The following ATAD5 variants were observed in gnomAD, a reference collection of about 807,000 sequenced individuals.
ATAD5 encodes ATPase family AAA domain-containing protein 5.
In ATAD5, 58 loss-of-function variants were observed where a neutral mutation model predicts 176.9. The ratio of observed to expected loss-of-function variants is 0.33; its 90% CI spans 0.27 to 0.41. The LOEUF is 0.41. ATAD5 is among the 10% of genes least tolerant of loss of function. The pLI is 1.00. For synonymous variants in ATAD5, 640 were observed against 712.6 expected (o/e 0.90, Z 1.62); for missense variants, 1,789 against 2,094.1 (o/e 0.85, Z 2.84).
At chr17:30,886,746 C>CAA (rs74541319) in intron 18 of ATAD5, among the ~76,000 whole-genome samples, 3,929 of 138,728 alleles carry the variant, frequency 0.028, 193 homozygotes, top group African/African-American at 0.097. Flanking sequence ...TGATCTCTAC[C>CAA]AAAAAAAAAA....
intron 4 of ATAD5, among the ~76,000 whole-genome samples, chr17:30,842,238 C>A (rs1239579882): frequency 6.6e-6 from 1 of 151,900 alleles, no homozygotes; most frequent in Admixed American, 6.6e-5. Flanking sequence ...CATTGCCTTC[C>A]AGCCTGGGTA....
chr17:30,871,782 T>A (rs1908351021), intron 14 of ATAD5, among the ~76,000 whole-genome samples: 1 of 152,224 alleles, frequency 6.6e-6, no homozygotes, highest in Non-Finnish European at 1.5e-5. Flanking sequence ...TTTGCCTTCT[T>A]GGGTGCTGGA....
intron 6 of ATAD5, among the ~76,000 whole-genome samples, chr17:30,846,790 A>G (rs1242052789): frequency 1.4e-5 from 2 of 144,452 alleles, no homozygotes; most frequent in African/African-American, 5.2e-5. Flanking sequence ...GTGTGATATC[A>G]GCTCACCGCA....
intron 8 of ATAD5, 55 bp downstream of exon 8, chr17:30,857,167 GA>G: frequency 1.3e-6 from 2 of 1,532,100 alleles, no homozygotes; most frequent in Non-Finnish European, 1.7e-6. Context: ...TCTTGCAGAG[GA>G]AAAACATTTT....
In ATAD5 at chr17:30,894,731, T is replaced by G. The variant is rs1340461767; in HGVS notation, c.5456+9T>G. On this transcript the variant is annotated intron_variant, in intron 22 of 22. Transcript: ENST00000321990. ...GGAAAAAGTAAAAGAAGGTAAAGGC[T>G]TTATTAAAAACAACATTTTAGATAG... 5.0e-6 allele frequency: 8 copies of G among 1,590,378 alleles called. No individual in the cohort carries two copies. The highest frequency in any genetic ancestry group is 6.8e-6 in the Non-Finnish European group (8 of 1,172,048).
chr17:30,850,323 T>A (rs1000803087), intron 6 of ATAD5, among the ~76,000 whole-genome samples: 1 of 151,520 alleles, frequency 6.6e-6, no homozygotes, highest in African/African-American at 2.4e-5. Flanking sequence ...CTCCCACCTC[T>A]ATTAACCACT....
At chr17:30,851,693 G>A (rs1049884110) in intron 6 of ATAD5, among the ~76,000 whole-genome samples, 8 of 151,836 alleles carry the variant, frequency 5.3e-5, no homozygotes, top group African/African-American at 1.9e-4. Context: ...AGTGATTATC[G>A]TGCCTTAGCC....
chr17:30,886,432 C>G (rs1467102884), intron 18 of ATAD5, among the ~76,000 whole-genome samples: 1 of 151,282 alleles, frequency 6.6e-6, no homozygotes, highest in Non-Finnish European at 1.5e-5. Context: ...CAGAGTCTTG[C>G]TCCATCGCCG....
intron 17 of ATAD5, among the ~76,000 whole-genome samples, chr17:30,879,215 A>G (rs1364082958): frequency 6.6e-6 from 1 of 152,156 alleles, no homozygotes; most frequent in Non-Finnish European, 1.5e-5. Context: ...GCTTGAGCTT[A>G]TAATCCTAGC....
intron 19 of ATAD5, among the ~76,000 whole-genome samples, chr17:30,889,886 C>CTTTTTTTTTTTTTTTTTTTTTT (rs60266614): frequency 2.4e-4 from 23 of 95,710 alleles, no homozygotes; most frequent in South Asian, 3.5e-4. Flanking sequence ...TCTTTTCTTT[C>CTTTTTTTTTTTTTTTTTTTTTT]TTTTTTTTTT....
At chr17:30,886,582 C>G (rs1437649220) in intron 18 of ATAD5, among the ~76,000 whole-genome samples, 2 of 151,640 alleles carry the variant, frequency 1.3e-5, no homozygotes, top group African/African-American at 4.8e-5. Context: ...TCTCAAACTC[C>G]TGACCTCAGG....
chr17:30,867,338 T>A (rs1908059929), intron 11 of ATAD5, among the ~76,000 whole-genome samples: 1 of 152,098 alleles, frequency 6.6e-6, no homozygotes, highest in Non-Finnish European at 1.5e-5. Context: ...GATTCGAGGC[T>A]GCAGTGAGCT....
At chr17:30,845,042 T>G in intron 6 of ATAD5, 126 bp downstream of exon 6, 1 of 825,286 alleles carries the variant, frequency 1.2e-6, no homozygotes, top group Non-Finnish European at 1.8e-6. Flanking sequence ...GTTTCAAAGT[T>G]GACAATATTG....
intron 6 of ATAD5, 36 bp from the exon 7 acceptor site, chr17:30,855,107 C>A (rs943561494): frequency 1.3e-6 from 2 of 1,519,760 alleles, no homozygotes; most frequent in African/African-American, 1.4e-5. Context: ...ATGTTTATAA[C>A]CTTAGCTTTT....
intron 4 of ATAD5, among the ~76,000 whole-genome samples, chr17:30,843,034 G>A (rs1044969158): frequency 1.3e-5 from 2 of 149,680 alleles, no homozygotes; most frequent in Non-Finnish European, 3.0e-5. Flanking sequence ...GTGAACCACC[G>A]TCCGGCATTA....
At chr17:30,889,593 T>A (rs1429447097) in intron 19 of ATAD5, among the ~76,000 whole-genome samples, 1 of 151,536 alleles carries the variant, frequency 6.6e-6, no homozygotes, top group African/African-American at 2.4e-5. Flanking sequence ...CAGAAATGCT[T>A]TTATTTCTTA....
intron 6 of ATAD5, among the ~76,000 whole-genome samples, chr17:30,854,194 AAAAC>A (rs1907150517): frequency 1.4e-5 from 2 of 139,148 alleles, no homozygotes; most frequent in South Asian, 2.2e-4. Flanking sequence ...TATAAAATCT[AAAAC>A]AAAATTTTTA....
chr17:30,879,424 C>A lies in ATAD5; in HGVS notation c.4014C>A (p.Asp1338Glu). Residue 1338 changes from aspartate to glutamate, a missense_variant and splice_region_variant, in exon 18 of 23, where the codon GAC becomes GAA. Asp to Glu is a conservative substitution (Grantham distance 45). Transcript: ENST00000321990. ...TTTTGTGTGTGTGTGTGTGTGTAGA[C>A]CCAACATTTAGTTTAATGTTTGATG... Reference protein sequence around the residue: ...TKRPVILTTSDPTFSLMFDGC... With the variant: ...TKRPVILTTSEPTFSLMFDGC... The A allele has an allele frequency of 6.3e-7, 1 of 1,597,180 alleles. No individual in the cohort carries two copies. The highest frequency in any genetic ancestry group is 1.8e-5 in the Admixed American group (1 of 55,240).
rs1908121431 is a variant in ATAD5, at chr17:30,868,378, G to C, written c.3279G>C (p.Gln1093His). Reference protein sequence around the residue: ...WKRRAELEERQNLKGKRDEKH... With the variant: ...WKRRAELEERHNLKGKRDEKH... ...GAAGAGCTGAATTGGAAGAAAGGCA[G>C]AATCTGAAGGGAAAAAGAGATGAGA... The change falls in exon 12 of 23, where the codon CAG becomes CAC. Residue 1093 changes from glutamine (Q) to histidine (H), a missense_variant. By Grantham distance (24) the Gln-to-His change is conservative. This residue lies in a region of ATAD5 where 487 missense variants were observed against 573.6 expected (regional missense o/e 0.85). Transcript: ENST00000321990. 2 of 1,571,056 alleles carry C rather than the reference G, an allele frequency of 1.3e-6. No individual in the cohort carries two copies. The highest frequency in any genetic ancestry group is 1.9e-5 in the Admixed American group (1 of 52,154).
Sources: allele counts gnomAD v4.1 joint callset (sites outside exome capture counted in the v4.1 genomes callset), GRCh38; gene constraint gnomAD v4.1.1; regional missense constraint gnomAD v4.1.1; transcripts MANE v1.5; gene names NCBI Gene and HGNC (gene_info 2026-07-23, HGNC 2026-07-21).